The following GFRAL variants were observed in gnomAD, a reference collection of about 807,000 sequenced individuals.
The protein encoded by GFRAL is GDNF family receptor alpha like, also known as GDNF family receptor alpha-like.
A neutral mutation model predicts 45.4 loss-of-function variants in GFRAL; 36 were observed. The ratio of observed to expected loss-of-function variants is 0.79; its 90% CI spans 0.61 to 1.05. GFRAL has a LOEUF of 1.05. Among genes scored for constraint, GFRAL ranks in the 50% least tolerant of loss-of-function variants. The probability of loss-of-function intolerance (pLI) is 0.00; values close to 1 mark genes in which losing one functional copy is unlikely to be tolerated. For missense variants in GFRAL, 507 were observed against 467.5 expected (o/e 1.08, Z -0.78); for synonymous variants, 166 against 154.1 (o/e 1.08, Z -0.57).
At chr6:55,331,097 G>A (rs759803465) in intron 1 of GFRAL, among the ~76,000 whole-genome samples, 4 of 152,070 alleles carry the variant, frequency 2.6e-5, no homozygotes, top group Non-Finnish European at 5.9e-5. Flanking sequence ...GAAATACTGA[G>A]ATTAAATTAT....
rs777786050 is a variant in GFRAL, at chr6:55,333,940, A to G, written c.312A>G (p.Lys104=). ...TGCTTGGAAAAAAATGTATCAATAA[A>G]TCAGGTAATATTTTGTTTTAAGAAA... ...NKLLGKKCIN[K]SDNVKEDKFK... is the part of the protein sequence containing the mutation. The change falls in exon 3 of 9, where the codon AAA becomes AAG. Residue 104 remains lysine, a synonymous_variant. Transcript: ENST00000340465. 1.3e-5 allele frequency: 20 copies of G among 1,515,962 alleles called. No homozygotes were observed. The highest frequency in any genetic ancestry group is 1.8e-5 in the Non-Finnish European group (20 of 1,125,162). The allele number at this position is 1,515,962 out of a possible 1,614,324, so 93.9% of individuals were successfully genotyped here.
chr6:55,393,950 A>G (rs552776612), intron 6 of GFRAL, among the ~76,000 whole-genome samples: 3 of 152,276 alleles, frequency 2.0e-5, no homozygotes, highest in Admixed American at 2.0e-4. Context: ...GTATTTATTG[A>G]AGCACCTATG....
chr6:55,343,324 T>A (rs185285371), intron 3 of GFRAL, among the ~76,000 whole-genome samples: 1 of 152,154 alleles, frequency 6.6e-6, no homozygotes, highest in African/African-American at 2.4e-5. Context: ...TATAACAAAC[T>A]GTCTCTCAGA....
Position 55,327,540 on chromosome 6 carries a change from C to G in GFRAL, c.-15C>G. The G allele has an allele frequency of 6.2e-7, 1 of 1,612,354 alleles. No individual in the cohort carries two copies. Among genetic ancestry groups the G allele is most frequent in the Non-Finnish European group, 8.5e-7 (1 of 1,178,904 alleles). Reference sequence around the variant, plus strand: ...CTGCCTTTTTTTCCAGGTGAACTGCCGTGAGTTGTCCAGCATGATAGTGTT... The same window carrying G: ...CTGCCTTTTTTTCCAGGTGAACTGCGGTGAGTTGTCCAGCATGATAGTGTT... On this transcript the variant is annotated 5_prime_UTR_variant, in exon 1 of 9. Coordinates refer to ENST00000340465, the MANE Select transcript of GFRAL (RefSeq NM_207410.2).
chr6:55,371,835 C>T (rs1322639207), intron 6 of GFRAL, among the ~76,000 whole-genome samples: 1 of 151,950 alleles, frequency 6.6e-6, no homozygotes, highest in Non-Finnish European at 1.5e-5. Context: ...TCTATTTGTA[C>T]AAAAAGGAAA....
intron 6 of GFRAL, among the ~76,000 whole-genome samples, chr6:55,378,436 T>G (rs1768563676): frequency 1.3e-5 from 2 of 152,000 alleles, no homozygotes; most frequent in Non-Finnish European, 2.9e-5. Context: ...CATTCAGCAT[T>G]GGTAGAACAC....
At chr6:55,344,454 A>G (rs1768011867) in intron 3 of GFRAL, among the ~76,000 whole-genome samples, 1 of 152,366 alleles carries the variant, frequency 6.6e-6, no homozygotes, top group South Asian at 2.1e-4. Context: ...TGATCATCTC[A>G]ATAGATGCAG....
chr6:55,360,677 C>T (rs1768262650), intron 6 of GFRAL, among the ~76,000 whole-genome samples: 1 of 151,892 alleles, frequency 6.6e-6, no homozygotes, highest in African/African-American at 2.4e-5. Context: ...TTATATAAGT[C>T]ATATTCTCTA....
At chr6:55,343,266 C>G (rs1240019577) in intron 3 of GFRAL, among the ~76,000 whole-genome samples, 1 of 152,150 alleles carries the variant, frequency 6.6e-6, no homozygotes, top group East Asian at 1.9e-4. Context: ...AAATTGACCA[C>G]ATAGTTGGAA....
intron 1 of GFRAL, among the ~76,000 whole-genome samples, chr6:55,328,965 A>T (rs918779112): frequency 3.9e-5 from 6 of 152,208 alleles, no homozygotes; most frequent in African/African-American, 1.4e-4. Flanking sequence ...GAATTTTAAA[A>T]TCTCAGAACA....
intron 8 of GFRAL, among the ~76,000 whole-genome samples, chr6:55,400,825 A>T (rs926527136): frequency 2.0e-5 from 3 of 152,202 alleles, no homozygotes; most frequent in Non-Finnish European, 4.4e-5. Flanking sequence ...CTGTTTAGTT[A>T]TTGTTCCTGC....
chr6:55,341,049 T>C (rs13191759), intron 3 of GFRAL, among the ~76,000 whole-genome samples: 75,849 of 152,066 alleles, frequency 0.5, 20,484 homozygotes, highest in Non-Finnish European at 0.63. Context: ...GTGGAGCCCA[T>C]CGCAGCTCAA....
At chr6:55,351,141 A>G in intron 4 of GFRAL, 112 bp from the exon 5 acceptor site, 1 of 742,542 alleles carries the variant, frequency 1.3e-6, no homozygotes, top group Non-Finnish European at 2.3e-6. Flanking sequence ...CAAAAATAGG[A>G]CATTGGTACA....
intron 8 of GFRAL, among the ~76,000 whole-genome samples, chr6:55,400,223 A>G (rs1502199): frequency 0.68 from 104,006 of 152,036 alleles, 35,983 homozygotes; most frequent in East Asian, 0.78. Flanking sequence ...GTACATGTCT[A>G]TAAAATTTGA....
intron 2 of GFRAL, 65 bp downstream of exon 2, chr6:55,331,914 T>C (rs1214846040): frequency 2.0e-5 from 29 of 1,449,428 alleles, no homozygotes; most frequent in Non-Finnish European, 2.7e-5. Flanking sequence ...CAGGATTTGA[T>C]ATTTTGTCAT....
chr6:55,365,003 G>T (rs911880886), intron 6 of GFRAL, among the ~76,000 whole-genome samples: 1 of 149,358 alleles, frequency 6.7e-6, no homozygotes, highest in Non-Finnish European at 1.5e-5. Context: ...GATGGGGATG[G>T]CATTGAATCT....
chr6:55,399,195 C>CT lies in GFRAL; in HGVS notation c.969dup (p.Asn324Ter), dbSNP rs771722530. 8.9e-6 allele frequency: 14 copies of CT among 1,581,136 alleles called. No individual in the cohort carries two copies. In the South Asian group the frequency reaches 1.5e-4, roughly 17 times the overall value. ...TTTCTTTCAGATTATCCAACCCTGT[C>CT]TAATGTCAAAGGCATGGCATTGTAT... On this transcript the variant is annotated frameshift_variant, in exon 7 of 9. Coordinates refer to ENST00000340465, the MANE Select transcript of GFRAL (RefSeq NM_207410.2). LOFTEE classifies it high-confidence loss of function.
intron 6 of GFRAL, among the ~76,000 whole-genome samples, chr6:55,394,654 CT>C (rs959587566): frequency 3.6e-4 from 55 of 152,116 alleles, no homozygotes; most frequent in African/African-American, 1.3e-3. Flanking sequence ...AGTGTGGGAT[CT>C]TTTCAAGATG....
intron 6 of GFRAL, among the ~76,000 whole-genome samples, chr6:55,369,460 C>T (rs928681464): frequency 2.0e-5 from 3 of 152,130 alleles, no homozygotes; most frequent in Non-Finnish European, 4.4e-5. Context: ...GCCATCTTGG[C>T]TCCTCCCTGC....
Sources: gnomAD v4.1 joint callset for allele counts (sites outside exome capture counted in the v4.1 genomes callset) on GRCh38, gnomAD v4.1.1 for gene constraint, MANE v1.5 for transcripts, NCBI Gene and HGNC (gene_info 2026-07-23, HGNC 2026-07-21) for gene names.